Variants in LRRC4C observed in about 807,000 individuals in gnomAD.
LRRC4C encodes the protein leucine-rich repeat-containing protein 4C.
In LRRC4C, 5 loss-of-function variants were observed where a neutral mutation model predicts 33.6. The ratio of observed to expected loss-of-function variants is 0.15; its 90% CI spans 0.08 to 0.31. The LOEUF (loss-of-function observed/expected upper bound fraction) is 0.31. LRRC4C is among the 10% of genes least tolerant of loss of function. The pLI is 1.00. For missense variants in LRRC4C, 560 were observed against 796.7 expected (o/e 0.70, Z 3.58); for synonymous variants, 329 against 302.0 (o/e 1.09, Z -0.93).
At chr11:41,013,141 C>T (rs1323484579) in intron 1 of LRRC4C, among the ~76,000 whole-genome samples, 1 of 152,120 alleles carries the variant, frequency 6.6e-6, no homozygotes, top group East Asian at 1.9e-4. Flanking sequence ...GACAGGAATT[C>T]ACGTAAGATT....
At chr11:41,170,360 C>T (rs1445230188) in intron 1 of LRRC4C, among the ~76,000 whole-genome samples, 2 of 152,140 alleles carry the variant, frequency 1.3e-5, no homozygotes, top group Non-Finnish European at 2.9e-5. Context: ...AACTATACTA[C>T]AAGACTACAG....
intron 1 of LRRC4C, among the ~76,000 whole-genome samples, chr11:41,262,909 T>C (rs1949029424): frequency 6.6e-6 from 1 of 152,102 alleles, no homozygotes; most frequent in Admixed American, 6.6e-5. Flanking sequence ...CTGCCTAATA[T>C]TTTATCGATG....
intron 3 of LRRC4C, among the ~76,000 whole-genome samples, chr11:40,532,410 A>G (rs1355351178): frequency 1.3e-5 from 2 of 151,930 alleles, no homozygotes; most frequent in Non-Finnish European, 2.9e-5. Context: ...TGTAAATTCA[A>G]TCTATAGACC....
intron 1 of LRRC4C, among the ~76,000 whole-genome samples, chr11:40,939,013 T>G (rs770888536): frequency 2.6e-5 from 4 of 152,080 alleles, no homozygotes; most frequent in Non-Finnish European, 2.9e-5. Flanking sequence ...TAAAATGTTA[T>G]AGAAATGTTT....
chr11:41,215,191 A>T (rs887683455), intron 1 of LRRC4C, among the ~76,000 whole-genome samples: 1 of 151,620 alleles, frequency 6.6e-6, no homozygotes, highest in African/African-American at 2.4e-5. Context: ...ATTGAAAAAA[A>T]TTTTTTAAAA....
chr11:41,084,646 C>T (rs190848493), intron 1 of LRRC4C, among the ~76,000 whole-genome samples: 289 of 152,112 alleles, frequency 1.9e-3, no homozygotes, highest in African/African-American at 6.7e-3. Context: ...GTCAGGAATT[C>T]GAGACCAGCC....
intron 3 of LRRC4C, among the ~76,000 whole-genome samples, chr11:40,572,689 C>A (rs543381996): frequency 6.6e-6 from 1 of 152,234 alleles, no homozygotes; most frequent in Admixed American, 6.5e-5. Context: ...AACACTCAGC[C>A]TCTTCCACAG....
chr11:40,187,044 C>A (rs1212437275), intron 5 of LRRC4C, among the ~76,000 whole-genome samples: 2 of 152,238 alleles, frequency 1.3e-5, no homozygotes, highest in Non-Finnish European at 1.5e-5. Flanking sequence ...GCAGGAGAAC[C>A]AACAAAGGAG....
At chr11:40,693,782 G>T (rs1039394172) in intron 2 of LRRC4C, among the ~76,000 whole-genome samples, 9 of 152,132 alleles carry the variant, frequency 5.9e-5, no homozygotes, top group African/African-American at 2.2e-4. Flanking sequence ...AATTATCCAG[G>T]TAAAGGAAGA....
intron 2 of LRRC4C, among the ~76,000 whole-genome samples, chr11:40,827,675 C>A (rs555878673): frequency 6.6e-6 from 1 of 151,824 alleles, no homozygotes; most frequent in South Asian, 2.1e-4. Context: ...TAAACTACCT[C>A]ATTTTATTTA....
In LRRC4C at chr11:41,058,196, G is replaced by C. The variant is rs1858774928; in HGVS notation, c.-495-124473C>G. On this transcript the variant is annotated intron_variant, in intron 1 of 6. Coordinates refer to ENST00000528697, the MANE Select transcript of LRRC4C (RefSeq NM_001258419.2). ...CCAGACCTGGGAGCTCCCTCAGCCAGGGCTGTGACTCCCCCCTTTGGGGCC... is the reference window on the plus strand; with the variant it reads ...CCAGACCTGGGAGCTCCCTCAGCCACGGCTGTGACTCCCCCCTTTGGGGCC... Among the ~76,000 whole-genome samples the C allele has an allele frequency of 3.9e-5, 5 of 128,632 alleles. No homozygotes were observed. The South Asian group carries it at 1.3e-3, about 34-fold the overall frequency. The allele number at this position is 128,632 out of a possible 152,430, so 84.4% of individuals were successfully genotyped here. A position where few individuals can be genotyped will look rare whatever the true frequency, so the allele number is the denominator to read the frequency against.
intron 1 of LRRC4C, among the ~76,000 whole-genome samples, chr11:41,027,707 GAC>G (rs1856465779): frequency 6.6e-6 from 1 of 151,664 alleles, no homozygotes. Context: ...TTTTCCTAAA[GAC>G]AGAGTAATAG....
At chr11:40,705,717 T>C (rs1391759387) in intron 2 of LRRC4C, among the ~76,000 whole-genome samples, 5 of 152,096 alleles carry the variant, frequency 3.3e-5, no homozygotes, top group Admixed American at 3.3e-4. Flanking sequence ...TTTGGGTATA[T>C]ACCACGTAAT....
At chr11:40,380,326 C>A (rs1948818035) in intron 3 of LRRC4C, among the ~76,000 whole-genome samples, 1 of 152,086 alleles carries the variant, frequency 6.6e-6, no homozygotes, top group African/African-American at 2.4e-5. Flanking sequence ...ATCCTTTGTT[C>A]TTGAACTGGT....
intron 3 of LRRC4C, among the ~76,000 whole-genome samples, chr11:40,529,962 A>G (rs1466242098): frequency 6.6e-6 from 1 of 152,158 alleles, no homozygotes; most frequent in Non-Finnish European, 1.5e-5. Context: ...CAGAAATTAA[A>G]GTATAATTTT....
chr11:41,298,478 T>C (rs1388078845), intron 1 of LRRC4C, among the ~76,000 whole-genome samples: 1 of 152,038 alleles, frequency 6.6e-6, no homozygotes, highest in Admixed American at 6.5e-5. Context: ...TATTGAATTG[T>C]TAAGAAAGAA....
chr11:40,356,133 C>T (rs537202711), intron 3 of LRRC4C, among the ~76,000 whole-genome samples: 52 of 152,210 alleles, frequency 3.4e-4, no homozygotes, highest in Non-Finnish European at 6.5e-4. Context: ...ATGATGAAAG[C>T]ACCTGCCTCA....
At chr11:40,971,535 G>A (rs140983363) in intron 1 of LRRC4C, among the ~76,000 whole-genome samples, 20 of 152,188 alleles carry the variant, frequency 1.3e-4, no homozygotes, top group African/African-American at 4.8e-4. Context: ...GCCTGCTTTG[G>A]GGGTGGAGTC....
At chr11:40,602,954 AAT>A (rs1416312823) in intron 3 of LRRC4C, among the ~76,000 whole-genome samples, 1 of 152,170 alleles carries the variant, frequency 6.6e-6, no homozygotes, top group Non-Finnish European at 1.5e-5. Context: ...CCCAGGAAGT[AAT>A]AGTCACACAG....
Sources: allele counts gnomAD v4.1 joint callset (sites outside exome capture counted in the v4.1 genomes callset), GRCh38; gene constraint gnomAD v4.1.1; transcripts MANE v1.5; gene names NCBI Gene and HGNC (gene_info 2026-07-23, HGNC 2026-07-21).